Variants in ERP44 observed in about 807,000 individuals in gnomAD.
The protein encoded by ERP44 is endoplasmic reticulum resident protein 44.
ERP44 carries 25 observed loss-of-function variants against 53.4 expected under a neutral mutation model. That is an observed-to-expected ratio of 0.47 (90% CI 0.34 to 0.65). The LOEUF (loss-of-function observed/expected upper bound fraction) is 0.65, where lower values mean the gene tolerates loss of function less well. Among genes scored for constraint, ERP44 ranks in the 30% least tolerant of loss-of-function variants. The pLI is 0.01. For missense variants in ERP44, 338 were observed against 493.2 expected, an observed-to-expected ratio of 0.69 and a Z score of 2.98; for synonymous variants, 145 against 161.2, an observed-to-expected ratio of 0.90 and a Z score of 0.76.
chr9:100,007,841 T>C, intron 8 of ERP44, 152 bp from the exon 9 acceptor site: 1 of 619,044 alleles, frequency 1.6e-6, no homozygotes. Context: ...GAATAAACAT[T>C]AGCCTGAACA....
At chr9:100,040,421 G>C (rs774005956) in intron 4 of ERP44, among the ~76,000 whole-genome samples, 7 of 152,142 alleles carry the variant, frequency 4.6e-5, no homozygotes, top group Non-Finnish European at 8.8e-5. Flanking sequence ...AAAAACATAT[G>C]ATTATTTCAA....
chr9:100,076,295 A>G (rs1176547214), intron 1 of ERP44, among the ~76,000 whole-genome samples: 1 of 152,228 alleles, frequency 6.6e-6, no homozygotes, highest in African/African-American at 2.4e-5. Flanking sequence ...GAAGGCACAA[A>G]TAAGTTACAT....
intron 10 of ERP44, chr9:99,998,905 T>C (rs1830344804): frequency 1.3e-6 from 2 of 1,594,888 alleles, no homozygotes; most frequent in African/African-American, 1.3e-5. Context: ...CCCCCAGCAG[T>C]CTCAGGGTTG....
At chr9:100,000,031 G>A (rs759042879) in intron 10 of ERP44, among the ~76,000 whole-genome samples, 4 of 152,084 alleles carry the variant, frequency 2.6e-5, no homozygotes, top group Non-Finnish European at 1.5e-5. Context: ...AGGGTCTCTA[G>A]TTTGCTAGGA....
At position 100,022,219 on chromosome 9, in the gene ERP44, T is replaced by C. The variant is rs573981419; in HGVS notation, c.294A>G (p.Ile98Met). ...ATTTGCTTATCCTGTATCTCTGGGC[T>C]ATGTCAGCTAAAAGAATGAAAAAAA... ...ARVDCDQHSDIAQRYRISKYP... is the reference protein window; with the variant it reads ...ARVDCDQHSDMAQRYRISKYP... Residue 98 changes from isoleucine (I) to methionine (M), a missense_variant, in exon 5 of 12, where the codon ATA becomes ATG. By Grantham distance (10) the Ile-to-Met change is conservative. Around this residue, in one of 3 missense-constraint regions of ERP44, gnomAD observed 224 missense variants for 301.4 expected, o/e 0.74. Coordinates refer to ENST00000262455, the MANE Select transcript of ERP44 (RefSeq NM_015051.3). 6.2e-7 allele frequency: 1 copy of C among 1,607,492 alleles called. No homozygotes were observed. Among genetic ancestry groups the C allele is most frequent in the African/African-American group, 1.3e-5 (1 of 74,636 alleles).
At chr9:100,008,456 A>C (rs915026286) in intron 8 of ERP44, among the ~76,000 whole-genome samples, 2 of 152,184 alleles carry the variant, frequency 1.3e-5, no homozygotes, top group East Asian at 1.9e-4. Context: ...TTAATCATTT[A>C]TTCTCCCCAA....
At chr9:100,018,927 A>G (rs1830554680) in intron 6 of ERP44, among the ~76,000 whole-genome samples, 1 of 152,226 alleles carries the variant, frequency 6.6e-6, no homozygotes, top group Non-Finnish European at 1.5e-5. Context: ...AATTAATTCA[A>G]TAACTATTTA....
At chr9:99,986,356 A>G (rs1292904369) in intron 10 of ERP44, among the ~76,000 whole-genome samples, 2 of 152,036 alleles carry the variant, frequency 1.3e-5, no homozygotes, top group Non-Finnish European at 2.9e-5. Context: ...CATTTTTTTC[A>G]TTGCTTGTCT....
intron 1 of ERP44, among the ~76,000 whole-genome samples, chr9:100,068,326 G>A (rs1826251416): frequency 7.2e-6 from 1 of 139,824 alleles, no homozygotes; most frequent in Non-Finnish European, 1.5e-5. Context: ...CGTCCGGGAG[G>A]GAGGTGGGGG....
chr9:100,050,881 G>A (rs978413308), intron 4 of ERP44, among the ~76,000 whole-genome samples: 11 of 152,176 alleles, frequency 7.2e-5, no homozygotes, highest in African/African-American at 2.7e-4. Flanking sequence ...TCTTCCCAAT[G>A]AATGTAAGCT....
intron 1 of ERP44, among the ~76,000 whole-genome samples, chr9:100,075,554 A>G (rs1296267724): frequency 2.6e-5 from 4 of 152,224 alleles, no homozygotes; most frequent in African/African-American, 9.7e-5. Flanking sequence ...AGAGAGCAAG[A>G]AGTAGCAGAC....
In ERP44 at chr9:99,984,958, G is replaced by A. The variant is rs1184655379; in HGVS notation, c.1119+9C>T. The A allele has an allele frequency of 1.3e-6, 2 of 1,553,884 alleles. No homozygotes were observed. The highest frequency in any genetic ancestry group is 3.4e-5 in the Admixed American group (2 of 58,938). ...AGAGTTCTCATTGAAAAATAAACAG[G>A]AGTCCTACCTCTCCTGGGGCTGTAT... On this transcript the variant is annotated intron_variant, in intron 11 of 11. Transcript: ENST00000262455.
intron 10 of ERP44, among the ~76,000 whole-genome samples, chr9:100,000,701 G>A (rs116518933): frequency 0.013 from 1,938 of 152,030 alleles, 40 homozygotes; most frequent in African/African-American, 0.044. Flanking sequence ...TTGTATTTCT[G>A]TAGTATCAGT....
chr9:99,984,414 A>T (rs1164533068), intron 11 of ERP44, among the ~76,000 whole-genome samples: 4 of 150,906 alleles, frequency 2.7e-5, no homozygotes, highest in South Asian at 2.1e-4. Flanking sequence ...ATTCTCAGGT[A>T]AAAAAAAACA....
intron 2 of ERP44, among the ~76,000 whole-genome samples, chr9:100,058,229 C>G (rs1019513184): frequency 1.3e-5 from 2 of 152,144 alleles, no homozygotes; most frequent in South Asian, 2.1e-4. Flanking sequence ...GCAAACACCA[C>G]CACACCTGGC....
chr9:100,045,932 T>A (rs569634799), intron 4 of ERP44, among the ~76,000 whole-genome samples: 2 of 151,976 alleles, frequency 1.3e-5, no homozygotes, highest in Non-Finnish European at 2.9e-5. Context: ...AGCTTTTAAT[T>A]TGCAAAAAAA....
chr9:100,033,079 T>G (rs1443377043), intron 4 of ERP44, among the ~76,000 whole-genome samples: 1 of 152,258 alleles, frequency 6.6e-6, no homozygotes, highest in Non-Finnish European at 1.5e-5. Context: ...ATTTGGAGCA[T>G]ATTTGTTTCT....
intron 10 of ERP44, among the ~76,000 whole-genome samples, chr9:99,987,974 T>A (rs948183385): frequency 6.6e-6 from 1 of 152,250 alleles, no homozygotes; most frequent in African/African-American, 2.4e-5. Flanking sequence ...CAAGTTTTTG[T>A]GAACTTTGTC....
At chr9:99,999,366 G>A (rs1363479766) in intron 10 of ERP44, among the ~76,000 whole-genome samples, 1 of 152,124 alleles carries the variant, frequency 6.6e-6, no homozygotes, top group Admixed American at 6.6e-5. Context: ...TTTGTCAGAC[G>A]TATAGATTGT....
Sources: allele counts gnomAD v4.1 joint callset (sites outside exome capture counted in the v4.1 genomes callset), GRCh38; gene constraint gnomAD v4.1.1; regional missense constraint gnomAD v4.1.1; transcripts MANE v1.5; gene names NCBI Gene and HGNC (gene_info 2026-07-23, HGNC 2026-07-21).